CNTFR: variants seen among roughly 807,000 people sequenced by gnomAD.
CNTFR encodes the protein ciliary neurotrophic factor receptor, also known as ciliary neurotrophic factor receptor subunit alpha.
In CNTFR, 12 loss-of-function variants were observed where a neutral mutation model predicts 40.4. That is an observed-to-expected ratio of 0.30 (90% confidence interval 0.19 to 0.48). The LOEUF (loss-of-function observed/expected upper bound fraction) is 0.48, where lower values mean the gene tolerates loss of function less well. CNTFR is among the 20% of genes least tolerant of loss of function. The pLI is 0.99. For synonymous variants in CNTFR, 202 were observed against 209.6 expected (o/e 0.96, Z 0.31); for missense variants, 414 against 506.8 (o/e 0.82, Z 1.76).
intron 1 of CNTFR, among the ~76,000 whole-genome samples, chr9:34,583,912 C>T (rs1827436818): frequency 6.6e-6 from 1 of 152,162 alleles, no homozygotes; most frequent in Non-Finnish European, 1.5e-5. Context: ...GGCTCCTCTG[C>T]CTTTTTGGAA....
intron 1 of CNTFR, among the ~76,000 whole-genome samples, chr9:34,585,738 G>T (rs2132268220): frequency 6.6e-6 from 1 of 152,278 alleles, no homozygotes; most frequent in South Asian, 2.1e-4. Flanking sequence ...CAGGGCCACA[G>T]GAGTTTACAA....
intron 2 of CNTFR, among the ~76,000 whole-genome samples, chr9:34,579,645 C>T (rs192891773): frequency 2.6e-5 from 4 of 151,772 alleles, no homozygotes; most frequent in African/African-American, 9.7e-5. Flanking sequence ...GGCTGAGGAG[C>T]AGAAACAAAC....
rs1206288088 is a variant in CNTFR, at chr9:34,551,640, G to A, written c.*431C>T. On this transcript the variant is annotated 3_prime_UTR_variant, in exon 10 of 10. Transcript: ENST00000378980. Reference sequence around the variant, plus strand: ...GGACTGAAAATTGTGGGTGCTGGGGGGAGGGGGATGGCTGGGCCCCCCCAG... The same window carrying A: ...GGACTGAAAATTGTGGGTGCTGGGGAGAGGGGGATGGCTGGGCCCCCCCAG... 2 of 332,236 alleles carry A rather than the reference G, an allele frequency of 6.0e-6. No individual in the cohort carries two copies. Among genetic ancestry groups the A allele is most frequent in the East Asian group, 8.6e-5 (1 of 11,680 alleles). 20.6% of individuals were successfully genotyped at this position (332,236 alleles called of 1,614,324 possible).
In CNTFR at chr9:34,589,182, C is replaced by A. The variant is rs1827673618; in HGVS notation, c.-112+373G>T. On this transcript the variant is annotated intron_variant, in intron 1 of 9. Coordinates refer to ENST00000378980, the MANE Select transcript of CNTFR (RefSeq NM_147164.3). This position sits in a 1 kb window ranked among gnomAD's most constrained non-coding sequence, Gnocchi z 4.4. ...AGATTTCTGCCCGAGAAAGAAGCCA[C>A]CTTTGGGCGCGCAAAGGCCACTACG... Among the ~76,000 whole-genome samples, 1 of 152,126 alleles carries A rather than the reference C, an allele frequency of 6.6e-6. No individual in the cohort carries two copies. Among genetic ancestry groups the A allele is most frequent in the African/African-American group, 2.4e-5 (1 of 41,432 alleles).
At position 34,552,549 on chromosome 9, in the gene CNTFR, A is replaced by G; in HGVS notation, c.949+125T>C. The G allele has an allele frequency of 3.5e-6, 4 of 1,127,190 alleles. No individual in the cohort carries two copies. The highest frequency in any genetic ancestry group is 1.6e-5 in the South Asian group (1 of 63,336). The allele number at this position is 1,127,190 out of a possible 1,614,324, so 69.8% of individuals were successfully genotyped here. On this transcript the variant is annotated intron_variant, in intron 8 of 9. Transcript: ENST00000378980. This position sits in a 1 kb window ranked among gnomAD's most constrained non-coding sequence, Gnocchi z 5.1. ...ACCAGGAATGGCAGGAGTTGGACAG[A>G]CAGGCAGAAGTGTGGCTACCCCCGG...
At position 34,577,862 on chromosome 9, in the gene CNTFR, G is replaced by C. The variant is rs1419912159; in HGVS notation, c.-1+3233C>G. 2.0e-5 allele frequency among the ~76,000 whole-genome samples: 3 copies of C among 152,188 alleles called. No individual in the cohort carries two copies. The South Asian group carries it at 6.2e-4, about 32-fold the overall frequency. On this transcript the variant is annotated intron_variant, in intron 2 of 9. Transcript: ENST00000378980. ...AGAAAAGAAGAGAGACAGCTTGGCAGGGGGAGCGCGCCGAGCAGCCGCGGG... is the reference window on the plus strand; with the variant it reads ...AGAAAAGAAGAGAGACAGCTTGGCACGGGGAGCGCGCCGAGCAGCCGCGGG...
chr9:34,574,840 C>T (rs1042157619), intron 2 of CNTFR, among the ~76,000 whole-genome samples: 8 of 152,338 alleles, frequency 5.3e-5, no homozygotes, highest in African/African-American at 1.4e-4. Flanking sequence ...CCCTGCTGCA[C>T]GTGTGTGCGG....
chr9:34,583,822 C>T (rs918876344), intron 1 of CNTFR, among the ~76,000 whole-genome samples: 1 of 152,134 alleles, frequency 6.6e-6, no homozygotes, highest in Non-Finnish European at 1.5e-5. Context: ...GGCCCAGCCC[C>T]CCATCCCGCA....
At chr9:34,567,090 CT>C (rs1394932979) in intron 3 of CNTFR, among the ~76,000 whole-genome samples, 2 of 152,200 alleles carry the variant, frequency 1.3e-5, no homozygotes, top group African/African-American at 2.4e-5. Context: ...GTGATTTAAT[CT>C]TTTGTCTCTG....
intron 1 of CNTFR, among the ~76,000 whole-genome samples, chr9:34,583,326 G>T (rs1457799615): frequency 1.3e-5 from 2 of 152,236 alleles, no homozygotes; most frequent in African/African-American, 4.8e-5. Flanking sequence ...TATAACCTGT[G>T]ACCCCTAATA....
Position 34,557,478 on chromosome 9 carries a change from A to G in CNTFR, c.604+48T>C. ...CCCCACCAATGGCACACATCCACTT[A>G]CATTCCCACTGGAGTAGGCAGCAGG... On this transcript the variant is annotated intron_variant, in intron 6 of 9. Transcript: ENST00000378980. This position sits in a 1 kb window ranked among gnomAD's most constrained non-coding sequence, Gnocchi z 4.2. 27 of 1,598,104 alleles carry G rather than the reference A, an allele frequency of 1.7e-5. No homozygotes were observed. The highest frequency in any genetic ancestry group is 2.3e-5 in the Non-Finnish European group (27 of 1,168,902).
intron 4 of CNTFR, among the ~76,000 whole-genome samples, chr9:34,562,322 C>T (rs1263591187): frequency 6.6e-6 from 1 of 152,148 alleles, no homozygotes; most frequent in Admixed American, 6.5e-5. Context: ...TTAGGCTGGT[C>T]CTGCATTTCT....
chr9:34,568,884 C>T lies in CNTFR; in HGVS notation c.85+13G>A, dbSNP rs767776514. On this transcript the variant is annotated intron_variant, in intron 3 of 9. Coordinates refer to ENST00000378980, the MANE Select transcript of CNTFR (RefSeq NM_147164.3). ...GAGAGGGGGGTCAGCAGGCGGCTCC[C>T]GTGAGCACTCACCCTGTGGACTGTG... 7.0e-6 allele frequency: 11 copies of T among 1,574,810 alleles called. No individual in the cohort carries two copies. Among genetic ancestry groups the T allele is most frequent in the Admixed American group, 3.7e-5 (2 of 54,530 alleles).
intron 2 of CNTFR, among the ~76,000 whole-genome samples, chr9:34,580,556 G>A (rs1827235864): frequency 6.6e-6 from 1 of 152,190 alleles, no homozygotes; most frequent in South Asian, 2.1e-4. Flanking sequence ...GGCGGGTTTT[G>A]GACAATAGGC....
intron 2 of CNTFR, among the ~76,000 whole-genome samples, chr9:34,574,332 T>C (rs1826848445): frequency 6.6e-6 from 1 of 152,194 alleles, no homozygotes; most frequent in African/African-American, 2.4e-5. Flanking sequence ...GCCCCTTCTC[T>C]TTTCCCTCCT....
chr9:34,568,771 C>T (rs1826430283), intron 3 of CNTFR, 126 bp downstream of exon 3: 2 of 800,782 alleles, frequency 2.5e-6, no homozygotes, highest in Non-Finnish European at 4.1e-6. Context: ...CCATGTCCCT[C>T]TGGGTGGTCA....
chr9:34,580,784 G>T (rs1300027276), intron 2 of CNTFR, among the ~76,000 whole-genome samples: 3 of 152,202 alleles, frequency 2.0e-5, no homozygotes, highest in African/African-American at 7.2e-5. Flanking sequence ...GGGCAGAGAG[G>T]AAATCTGAGG....
rs1278292054 is a variant in CNTFR at position 34,552,742 on chromosome 9, C to G, written c.881G>C (p.Ser294Thr). 6.2e-7 allele frequency: 1 copy of G among 1,613,876 alleles called. No individual in the cohort carries two copies. The highest frequency in any genetic ancestry group is 2.2e-5 in the East Asian group (1 of 44,884). The change falls in exon 8 of 10, where the codon AGC becomes ACC. Residue 294 changes from serine (S) to threonine (T), a missense_variant. Physicochemically the swap from Ser to Thr is moderately conservative, Grantham distance 58. Coordinates refer to ENST00000378980, the MANE Select transcript of CNTFR (RefSeq NM_147164.3). This position sits in a 1 kb window ranked among gnomAD's most constrained non-coding sequence, Gnocchi z 5.1. ...DNEIGTWSDW[S>T]VAAHATPWTE... ...CCAGGGCGTAGCGTGGGCGGCTACG[C>G]TCCAGTCACTCCATGTCCCAATCTC...
chr9:34,572,651 C>T (rs1011361579), intron 2 of CNTFR, among the ~76,000 whole-genome samples: 1 of 152,170 alleles, frequency 6.6e-6, no homozygotes, highest in South Asian at 2.1e-4. Context: ...AATTCTGGGG[C>T]CCCAACTTAC....
Sources: allele counts gnomAD v4.1 joint callset (sites outside exome capture counted in the v4.1 genomes callset), GRCh38; gene constraint gnomAD v4.1.1; non-coding constraint Gnocchi (gnomAD v3.1); transcripts MANE v1.5; gene names NCBI Gene and HGNC (gene_info 2026-07-23, HGNC 2026-07-21).